MMP16: variants seen among roughly 807,000 people sequenced by gnomAD.
MMP16 encodes matrix metalloproteinase-16.
A neutral mutation model predicts 67.8 loss-of-function variants in MMP16; 12 were observed. That is an observed-to-expected ratio of 0.18 (90% CI 0.11 to 0.29). The LOEUF (loss-of-function observed/expected upper bound fraction) is 0.29. MMP16 is among the 10% of genes least tolerant of loss of function. MMP16 has a pLI of 1.00. For missense variants in MMP16, 475 were observed against 765.7 expected, an observed-to-expected ratio of 0.62 and a Z score of 4.48; for synonymous variants, 249 against 255.9, an observed-to-expected ratio of 0.97 and a Z score of 0.26.
intron 1 of MMP16, among the ~76,000 whole-genome samples, chr8:88,219,301 C>A (rs1051105961): frequency 4.0e-5 from 6 of 151,872 alleles, no homozygotes; most frequent in Non-Finnish European, 7.4e-5. Flanking sequence ...GAATTAACAT[C>A]ATAATTACTG....
rs897119695 is a variant in MMP16 at position 88,125,178 on chromosome 8, A to G, written c.710-6317T>C. ...GCTTCTTACTTTTAATTAAGTCTGAAAGTCCTGGAGATTTTTTTTTTTTTT... is the reference window on the plus strand; with the variant it reads ...GCTTCTTACTTTTAATTAAGTCTGAGAGTCCTGGAGATTTTTTTTTTTTTT... On this transcript the variant is annotated intron_variant, in intron 4 of 9. Transcript: ENST00000286614. Among the ~76,000 whole-genome samples the G allele has an allele frequency of 6.8e-5, 10 of 146,244 alleles. No individual in the cohort carries two copies. The South Asian group carries it at 1.5e-3, about 22-fold the overall frequency.
At chr8:88,281,649 A>G (rs1434591175) in intron 1 of MMP16, among the ~76,000 whole-genome samples, 1 of 152,186 alleles carries the variant, frequency 6.6e-6, no homozygotes, top group Non-Finnish European at 1.5e-5. Flanking sequence ...AGGCCCCCAA[A>G]GCTCAGAAAT....
chr8:88,265,926 G>T (rs1810469957), intron 1 of MMP16, among the ~76,000 whole-genome samples: 1 of 152,156 alleles, frequency 6.6e-6, no homozygotes, highest in South Asian at 2.1e-4. Context: ...CTAGTAATCA[G>T]GGCAATCTGG....
intron 6 of MMP16, among the ~76,000 whole-genome samples, chr8:88,094,579 A>C (rs2118356275): frequency 6.6e-6 from 1 of 151,690 alleles, no homozygotes; most frequent in East Asian, 1.9e-4. Flanking sequence ...AGGGCTAAAA[A>C]AACTCTTTAT....
Position 88,058,437 on chromosome 8 carries a change from C to T in MMP16, c.1223-2159G>A, listed in dbSNP as rs1009000580. Among the ~76,000 whole-genome samples the T allele has an allele frequency of 2.6e-5, 4 of 152,094 alleles. No individual in the cohort carries two copies. Among genetic ancestry groups the T allele is most frequent in the Non-Finnish European group, 5.9e-5 (4 of 67,986 alleles). ...TAGGCACTACTGATAGAGAAGTGAA[C>T]CAGAAGGTCAACATCTCTATCTCAT... On this transcript the variant is annotated intron_variant, in intron 7 of 9. Transcript: ENST00000286614. This position sits in a 1 kb window ranked among gnomAD's most constrained non-coding sequence, Gnocchi z 4.2.
chr8:88,096,345 T>C (rs1265852473), intron 6 of MMP16, among the ~76,000 whole-genome samples: 2 of 151,994 alleles, frequency 1.3e-5, no homozygotes, highest in South Asian at 2.1e-4. Context: ...CCTGTGATGA[T>C]ATTTTAATAA....
intron 1 of MMP16, among the ~76,000 whole-genome samples, chr8:88,294,233 CACAT>C (rs1810969212): frequency 6.7e-6 from 1 of 149,170 alleles, no homozygotes; most frequent in South Asian, 2.1e-4. Context: ...TATATACACA[CACAT>C]ATATATACAC....
intron 4 of MMP16, among the ~76,000 whole-genome samples, chr8:88,151,745 C>T (rs1808411541): frequency 6.6e-6 from 1 of 151,606 alleles, no homozygotes; most frequent in South Asian, 2.1e-4. Flanking sequence ...GCACTGAATG[C>T]CCACGAGAGA....
chr8:88,147,231 C>A (rs1423596049), intron 4 of MMP16, among the ~76,000 whole-genome samples: 1 of 151,856 alleles, frequency 6.6e-6, no homozygotes, highest in Non-Finnish European at 1.5e-5. Context: ...TTGTTACCTC[C>A]TCTACTATCG....
chr8:88,123,907 C>T (rs1009513842), intron 4 of MMP16, among the ~76,000 whole-genome samples: 3 of 151,874 alleles, frequency 2.0e-5, no homozygotes, highest in African/African-American at 7.3e-5. Flanking sequence ...GCCCACCATC[C>T]CTGCCCTCAA....
chr8:88,135,213 C>T (rs916766546), intron 4 of MMP16, among the ~76,000 whole-genome samples: 1 of 151,742 alleles, frequency 6.6e-6, no homozygotes, highest in Non-Finnish European at 1.5e-5. Flanking sequence ...GTACATTGAC[C>T]TGACTGTTAA....
chr8:88,130,211 A>C (rs1808004472), intron 4 of MMP16, among the ~76,000 whole-genome samples: 1 of 151,838 alleles, frequency 6.6e-6, no homozygotes, highest in South Asian at 2.1e-4. Flanking sequence ...AGTCAAAATT[A>C]GCGAGGATTA....
intron 6 of MMP16, among the ~76,000 whole-genome samples, chr8:88,093,356 A>G (rs1302505564): frequency 6.6e-6 from 1 of 151,874 alleles, no homozygotes; most frequent in Non-Finnish European, 1.5e-5. Flanking sequence ...AATTCTCACT[A>G]TAAATTGATA....
At chr8:88,244,073 C>G (rs1810073987) in intron 1 of MMP16, among the ~76,000 whole-genome samples, 1 of 150,946 alleles carries the variant, frequency 6.6e-6, no homozygotes, top group African/African-American at 2.4e-5. Flanking sequence ...AGTAAAGAAC[C>G]TTTAGAATTA....
intron 1 of MMP16, among the ~76,000 whole-genome samples, chr8:88,307,421 A>G (rs1217867198): frequency 1.3e-5 from 2 of 152,182 alleles, no homozygotes; most frequent in Non-Finnish European, 2.9e-5. Context: ...GGAAGCAACC[A>G]ATCCATTAAA....
chr8:88,317,637 A>G lies in MMP16; in HGVS notation c.132+9438T>C, dbSNP rs549527899. Among the ~76,000 whole-genome samples the G allele has an allele frequency of 7.9e-5, 12 of 152,314 alleles. No individual in the cohort carries two copies. In the South Asian group the frequency reaches 2.5e-3, roughly 32 times the overall value. ...TTTACTTCCTTCAGAGGAAGTGAGAAAGTAGCCAAAGGAATATTTAAATTT... is the reference window on the plus strand; with the variant it reads ...TTTACTTCCTTCAGAGGAAGTGAGAGAGTAGCCAAAGGAATATTTAAATTT... On this transcript the variant is annotated intron_variant, in intron 1 of 9. Transcript: ENST00000286614.
At chr8:88,302,316 C>T (rs1811115602) in intron 1 of MMP16, among the ~76,000 whole-genome samples, 1 of 152,180 alleles carries the variant, frequency 6.6e-6, no homozygotes, top group Admixed American at 6.5e-5. Context: ...TGAGGAAAAA[C>T]GTGGCATAGA....
chr8:88,247,142 G>A (rs147077379), intron 1 of MMP16, among the ~76,000 whole-genome samples: 13 of 152,112 alleles, frequency 8.5e-5, no homozygotes, highest in South Asian at 2.1e-4. Flanking sequence ...GTAGGGGCAC[G>A]GTCAACATTC....
chr8:88,290,539 T>C (rs1335584658), intron 1 of MMP16, among the ~76,000 whole-genome samples: 1 of 151,566 alleles, frequency 6.6e-6, no homozygotes, highest in Non-Finnish European at 1.5e-5. Flanking sequence ...GGCGACAGAG[T>C]GAGACTCCGT....
Sources: gnomAD v4.1 joint callset for allele counts (sites outside exome capture counted in the v4.1 genomes callset) on GRCh38, gnomAD v4.1.1 for gene constraint, Gnocchi (gnomAD v3.1) non-coding constraint, MANE v1.5 for transcripts, NCBI Gene and HGNC (gene_info 2026-07-23, HGNC 2026-07-21) for gene names.